Variants in POMZP3 observed in about 807,000 individuals in gnomAD.
The protein encoded by POMZP3 is POM121 and ZP3 fusion protein.
POMZP3 carries 10 observed loss-of-function variants against 19.8 expected under a neutral mutation model. The ratio of observed to expected loss-of-function variants is 0.51; its 90% CI spans 0.31 to 0.86. The LOEUF is 0.86. Among genes scored for constraint, POMZP3 ranks in the 40% least tolerant of loss-of-function variants. The pLI, the probability that POMZP3 is intolerant of heterozygous loss-of-function variation, is 0.04. For missense variants in POMZP3, 152 were observed against 228.1 expected (o/e 0.67, Z 2.15); for synonymous variants, 57 against 85.8 (o/e 0.66, Z 1.85).
chr7:76,626,679 G>A lies in POMZP3; in HGVS notation c.-152+29C>T, dbSNP rs533099116. 37 of 1,380,130 alleles carry A rather than the reference G, an allele frequency of 2.7e-5. 1 individual carries two copies. In the African/African-American group the frequency reaches 4.9e-4, roughly 18 times the overall value. The allele number at this position is 1,380,130 out of a possible 1,614,324, so 85.5% of individuals were successfully genotyped here. On this transcript the variant is annotated intron_variant, in intron 1 of 6. Transcript: ENST00000310842. Reference sequence around the variant, plus strand: ...CGATTTCAAGCCAGCCGAGCCAAAGGATGATCTGGGAAAATCAGCGCATCT... The same window carrying A: ...CGATTTCAAGCCAGCCGAGCCAAAGAATGATCTGGGAAAATCAGCGCATCT...
At chr7:76,613,430 T>C (rs1815182855) in intron 4 of POMZP3, among the ~76,000 whole-genome samples, 1 of 130,806 alleles carries the variant, frequency 7.6e-6, no homozygotes, top group African/African-American at 2.7e-5. Flanking sequence ...GAACCCAATA[T>C]GAGCTCCTGC....
At chr7:76,620,613 G>A (rs556939342) in intron 3 of POMZP3, among the ~76,000 whole-genome samples, 4 of 151,650 alleles carry the variant, frequency 2.6e-5, no homozygotes, top group East Asian at 2.0e-4. Flanking sequence ...GACTACAGGC[G>A]TGTCCCACCA....
intron 6 of POMZP3, among the ~76,000 whole-genome samples, chr7:76,610,945 G>C (rs955293832): frequency 2.1e-5 from 3 of 143,210 alleles, no homozygotes; most frequent in Non-Finnish European, 4.6e-5. Context: ...TGCAATCTCG[G>C]CTCACTGCAA....
intron 4 of POMZP3, among the ~76,000 whole-genome samples, chr7:76,613,328 A>G (rs1815179087): frequency 2.3e-5 from 2 of 86,282 alleles, no homozygotes. Context: ...TGTAAGGGAT[A>G]TGACGACCAG....
intron 2 of POMZP3, 155 bp from the exon 3 acceptor site, chr7:76,625,838 A>G: frequency 7.4e-7 from 1 of 1,347,518 alleles, no homozygotes. Context: ...TTAACGGCAA[A>G]AAGTGAAAAA....
At chr7:76,624,904 G>A (rs1220472810) in intron 3 of POMZP3, among the ~76,000 whole-genome samples, 4 of 151,212 alleles carry the variant, frequency 2.6e-5, no homozygotes, top group African/African-American at 4.9e-5. Flanking sequence ...AGGCCAAGGC[G>A]GGCAGATCAC....
rs1417949315 is a variant in POMZP3 at position 76,617,247 on chromosome 7, C to T, written c.345+936G>A. On this transcript the variant is annotated intron_variant, in intron 4 of 6. Coordinates refer to ENST00000310842, the MANE Select transcript of POMZP3 (RefSeq NM_012230.5). Reference sequence around the variant, plus strand: ...TCCCAAAGTGCTGGGATTATGGGCACGAGCCACCGCACCAGGCAATTTACT... The same window carrying T: ...TCCCAAAGTGCTGGGATTATGGGCATGAGCCACCGCACCAGGCAATTTACT... 3.6e-5 allele frequency among the ~76,000 whole-genome samples: 3 copies of T among 83,018 alleles called. 1 individual carries two copies. The highest frequency in any genetic ancestry group is 7.0e-5 in the Non-Finnish European group (3 of 43,066). The allele number at this position is 83,018 out of a possible 152,430, so 54.5% of individuals were successfully genotyped here.
chr7:76,625,708 CA>C lies in POMZP3; in HGVS notation c.66-26del, dbSNP rs768900891. 1.8e-5 allele frequency: 29 copies of C among 1,606,776 alleles called. No individual in the cohort carries two copies. In the Admixed American group the frequency reaches 5.0e-4, roughly 28 times the overall value. ...TCTATAATGAAAGACAGGATTCTAG[CA>C]GTAAGATATTTTAATTCCCATGCCA... is the stretch of plus-strand genomic sequence containing the variant. On this transcript the variant is annotated intron_variant, in intron 2 of 6. Coordinates refer to ENST00000310842, the MANE Select transcript of POMZP3 (RefSeq NM_012230.5).
chr7:76,615,575 C>T (rs1207933143), intron 4 of POMZP3: 3 of 87,102 alleles, frequency 3.4e-5, no homozygotes, highest in African/African-American at 2.0e-4. Context: ...AACGTATGAG[C>T]CTCTGCTTCA....
chr7:76,622,819 G>A (rs1334290223), intron 3 of POMZP3, among the ~76,000 whole-genome samples: 1 of 151,610 alleles, frequency 6.6e-6, no homozygotes, highest in Non-Finnish European at 1.5e-5. Flanking sequence ...GGGATTATAG[G>A]CTTGAGCCAC....
chr7:76,616,278 C>G (rs1201537870), intron 4 of POMZP3, among the ~76,000 whole-genome samples: 1 of 89,106 alleles, frequency 1.1e-5, no homozygotes, highest in Non-Finnish European at 2.1e-5. Flanking sequence ...GTGAGACTGT[C>G]TCAAAAAAAA....
rs141851493 is a variant in POMZP3 at position 76,618,290 on chromosome 7, C to A, written c.238G>T (p.Asp80Tyr). The change falls in exon 4 of 7, where the codon GAC (aspartate) becomes TAC (tyrosine). Residue 80 changes from aspartate to tyrosine, a missense_variant. This residue lies in a region of POMZP3 where 17 missense variants were observed against 38.1 expected (regional missense o/e 0.45). Coordinates refer to ENST00000310842, the MANE Select transcript of POMZP3 (RefSeq NM_012230.5). ...GQENKRSCLV[D>Y]GLTDASSAFK... ...GCAGAAGAGGCATCAGTGAGACCGT[C>A]GACAAGACAGCTTGGAAGAAAACAG... 1 of 1,613,686 alleles carries A rather than the reference C, an allele frequency of 6.2e-7. No homozygotes were observed. The highest frequency in any genetic ancestry group is 8.5e-7 in the Non-Finnish European group (1 of 1,179,814).
intron 3 of POMZP3, among the ~76,000 whole-genome samples, chr7:76,624,914 C>T (rs530466623): frequency 4.2e-4 from 63 of 150,670 alleles, no homozygotes; most frequent in Non-Finnish European, 7.8e-4. Context: ...GGGCAGATCA[C>T]GAGGTCAGGA....
At chr7:76,624,048 G>C (rs1045333952) in intron 3 of POMZP3, among the ~76,000 whole-genome samples, 3 of 134,944 alleles carry the variant, frequency 2.2e-5, no homozygotes, top group Non-Finnish European at 3.2e-5. Context: ...GTTGAAAAAA[G>C]AGTAATTTTT....
At chr7:76,624,516 G>A (rs867659891) in intron 3 of POMZP3, among the ~76,000 whole-genome samples, 2 of 151,752 alleles carry the variant, frequency 1.3e-5, no homozygotes, top group African/African-American at 4.8e-5. Flanking sequence ...CATGGTCTCG[G>A]CTCGCTGCAA....
Position 76,625,633 on chromosome 7 carries a change from G to T in POMZP3, c.116C>A (p.Pro39Gln). 1.2e-5 allele frequency: 19 copies of T among 1,613,804 alleles called. No individual in the cohort carries two copies. Among genetic ancestry groups the T allele is most frequent in the Non-Finnish European group, 1.6e-5 (19 of 1,179,828 alleles). Reference protein sequence around the residue: ...STLSSPSSNAPDPCAKETVLS... With the variant: ...STLSSPSSNAQDPCAKETVLS... The stretch of plus-strand genomic sequence containing the variant: ...TACAGTCTCCTTTGCACATGGGTCT[G>T]GGGCATTACTTGATGGTGAGGACAG... Residue 39 changes from proline to glutamine, a missense_variant, in exon 3 of 7, where the codon CCA becomes CAA. Pro to Gln is a moderately conservative substitution (Grantham distance 76). Around this residue, in one of 4 missense-constraint regions of POMZP3, gnomAD observed 70 missense variants for 64.1 expected, o/e 1.09. Transcript: ENST00000310842.
chr7:76,610,307 A>G lies in POMZP3; in HGVS notation c.*12-92T>C, dbSNP rs563200088. On this transcript the variant is annotated intron_variant, in intron 6 of 6. Transcript: ENST00000310842. ...TATTCTGCCTCAGTGGGCTAAACTA[A>G]TATGTTGTCTTTTTTGTGTGGGCTA... 5.1e-6 allele frequency: 6 copies of G among 1,187,250 alleles called. No homozygotes were observed. The East Asian group carries it at 9.4e-5, about 19-fold the overall frequency. The allele number at this position is 1,187,250 out of a possible 1,614,324, so 73.5% of individuals were successfully genotyped here.
chr7:76,610,429 G>A (rs889682379), intron 6 of POMZP3, among the ~76,000 whole-genome samples: 3 of 152,150 alleles, frequency 2.0e-5, no homozygotes, highest in Non-Finnish European at 2.9e-5. Context: ...GAGGCAGGCA[G>A]ATCACCTGAG....
At chr7:76,618,855 A>C (rs3960516) in intron 3 of POMZP3, among the ~76,000 whole-genome samples, 4,312 of 151,688 alleles carry the variant, frequency 0.028, 96 homozygotes, top group South Asian at 0.053. Flanking sequence ...TGGCGTGATC[A>C]TAGCTCACTG....
Sources: allele counts gnomAD v4.1 joint callset (sites outside exome capture counted in the v4.1 genomes callset), GRCh38; gene constraint gnomAD v4.1.1; regional missense constraint gnomAD v4.1.1; transcripts MANE v1.5; gene names NCBI Gene and HGNC (gene_info 2026-07-23, HGNC 2026-07-21).